The following LOXL4 variants were observed in gnomAD, a reference collection of about 807,000 sequenced individuals.
The protein encoded by LOXL4 is lysyl oxidase like 4.
In LOXL4, 72 loss-of-function variants were observed where a neutral mutation model predicts 89.1. The ratio of observed to expected loss-of-function variants is 0.81; its 90% CI spans 0.67 to 0.98. The LOEUF is 0.98. Ranked by LOEUF, LOXL4 falls within the 50% of genes least tolerant of loss-of-function variation. The pLI, the probability that LOXL4 is intolerant of heterozygous loss-of-function variation, is 0.00. For synonymous variants in LOXL4, 355 were observed against 392.1 expected (o/e 0.91, Z 1.12); for missense variants, 984 against 1,017.5 (o/e 0.97, Z 0.45).
At chr10:98,260,807 G>T in intron 4 of LOXL4, 115 bp downstream of exon 4, 1 of 1,124,822 alleles carries the variant, frequency 8.9e-7, no homozygotes, top group Non-Finnish European at 1.3e-6. Context: ...CCTCACATGA[G>T]TCCACACTCA....
rs548557284 is a variant in LOXL4, at chr10:98,261,346, C to T, written c.457-219G>A. On this transcript the variant is annotated intron_variant, in intron 3 of 14. Transcript: ENST00000260702. ...GGCAGAACCTCAGCTTGTCTAAGCC[C>T]TTTCCCTCAGTTCCTCGAATTTGTC... Among the ~76,000 whole-genome samples the T allele has an allele frequency of 5.9e-4, 90 of 152,340 alleles. 2 individuals are homozygous for T. The highest frequency in any genetic ancestry group is 2.1e-3 in the East Asian group (11 of 5,182).
rs1319214431 is a variant in LOXL4 at position 98,262,050 on chromosome 10, A to G, written c.441T>C (p.Asn147=). ...GCCTCCTCACCTGGGGCCCAAGGGC[A>G]TTGGAGACAGTTTCAGAAAGGTAGC... ...HRGYLSETVS[N]ALGPQGRRLE... is the part of the protein sequence containing the mutation. The change falls in exon 3 of 15, where the codon AAT becomes AAC. Residue 147 remains asparagine, a synonymous_variant. Transcript: ENST00000260702. The G allele has an allele frequency of 1.2e-6, 2 of 1,610,554 alleles. No individual in the cohort carries two copies. Among genetic ancestry groups the G allele is most frequent in the Non-Finnish European group, 1.7e-6 (2 of 1,178,536 alleles).
Position 98,248,093 on chromosome 10 carries a change from G to C in LOXL4, c.*828C>G, listed in dbSNP as rs998985067. The C allele has an allele frequency of 1.3e-5, 2 of 152,272 alleles. No individual in the cohort carries two copies. Among genetic ancestry groups the C allele is most frequent in the Admixed American group, 1.3e-4 (2 of 15,292 alleles). 9.4% of individuals were successfully genotyped at this position (152,272 alleles called of 1,614,324 possible). A position where few individuals can be genotyped will look rare whatever the true frequency, so the allele number is the denominator to read the frequency against. On this transcript the variant is annotated 3_prime_UTR_variant, in exon 15 of 15. Coordinates refer to ENST00000260702, the MANE Select transcript of LOXL4 (RefSeq NM_032211.7). Reference sequence around the variant, plus strand: ...TGAGATGCGTGGTGATCCTGAGAGAGAGCAGACTGCCTGCCAGGTAAATGG... The same window carrying C: ...TGAGATGCGTGGTGATCCTGAGAGACAGCAGACTGCCTGCCAGGTAAATGG...
chr10:98,255,798 C>A, intron 9 of LOXL4, 59 bp from the exon 10 acceptor site: 1 of 1,562,516 alleles, frequency 6.4e-7, no homozygotes. Flanking sequence ...TCCTGACTCC[C>A]ATCTGAGGTG....
rs890038354 is a variant in LOXL4, at chr10:98,258,019, G to C, written c.1067C>G (p.Ser356Cys). 1 of 1,613,920 alleles carries C rather than the reference G, an allele frequency of 6.2e-7. No homozygotes were observed. Among genetic ancestry groups the C allele is most frequent in the African/African-American group, 1.3e-5 (1 of 75,064 alleles). Residue 356 changes from serine to cysteine, a missense_variant, in exon 7 of 15, where the codon TCT (serine) becomes TGT (cysteine). By Grantham distance (112) the Ser-to-Cys change is moderately radical (BLOSUM62 -1). Coordinates refer to ENST00000260702, the MANE Select transcript of LOXL4 (RefSeq NM_032211.7). Reference protein sequence around the residue: ...SVVCRQLGFGSAREALFGARL... With the variant: ...SVVCRQLGFGCAREALFGARL... The stretch of plus-strand genomic sequence containing the variant: ...GGCCCCAAAGAGGGCCTCCCGAGCA[G>C]AGCCAAAGCCCAGCTGACGACACAC...
rs752379337 is a variant in LOXL4 at position 98,259,177 on chromosome 10, G to A, written c.753C>T (p.Cys251=). 5.0e-6 allele frequency: 8 copies of A among 1,612,294 alleles called. No homozygotes were observed. The highest frequency in any genetic ancestry group is 1.1e-5 in the South Asian group (1 of 90,946). The part of the protein sequence containing the change: ...KNSFWIHQVT[C]LGTEPHMANC... ...TGGCCATGTGGGGCTCTGTCCCCAG[G>A]CAGGTGACCTGGTGGATCCAGAAGG... Residue 251 remains cysteine, a synonymous_variant, in exon 6 of 15, where the codon TGC becomes TGT. Transcript: ENST00000260702.
chr10:98,263,691 T>C (rs958508463), intron 1 of LOXL4, among the ~76,000 whole-genome samples: 3 of 151,906 alleles, frequency 2.0e-5, no homozygotes, highest in Non-Finnish European at 4.4e-5. Flanking sequence ...TCTTCAACTC[T>C]CTAGGTCCTG....
At chr10:98,258,945 C>G in intron 6 of LOXL4, 64 bp downstream of exon 6, 2 of 1,358,274 alleles carry the variant, frequency 1.5e-6, no homozygotes, top group Admixed American at 2.5e-5. Flanking sequence ...CCGCACCCCC[C>G]ACCAGGCAGT....
At chr10:98,255,337 G>T (rs116260041) in intron 10 of LOXL4, among the ~76,000 whole-genome samples, 3 of 152,174 alleles carry the variant, frequency 2.0e-5, no homozygotes, top group Admixed American at 6.5e-5. Context: ...GAAAACCGCC[G>T]TTCCGTGTCC....
At position 98,253,448 on chromosome 10, in the gene LOXL4, C is replaced by T. The variant is rs539080132; in HGVS notation, c.1835+105G>A. Reference sequence around the variant, plus strand: ...CAAGGCCAGCAAGGAGAGCGCACACCCCTCCCAGGAAAACTTGCCTGTGGC... The same window carrying T: ...CAAGGCCAGCAAGGAGAGCGCACACTCCTCCCAGGAAAACTTGCCTGTGGC... On this transcript the variant is annotated intron_variant, in intron 11 of 14. Coordinates refer to ENST00000260702, the MANE Select transcript of LOXL4 (RefSeq NM_032211.7). 8 of 1,519,988 alleles carry T rather than the reference C, an allele frequency of 5.3e-6. No individual in the cohort carries two copies. In the South Asian group the frequency reaches 7.2e-5, roughly 14 times the overall value. The allele number at this position is 1,519,988 out of a possible 1,614,324, so 94.2% of individuals were successfully genotyped here. A position where few individuals can be genotyped will look rare whatever the true frequency, so the allele number is the denominator to read the frequency against.
At chr10:98,250,883 G>A (rs1462711648) in intron 14 of LOXL4, among the ~76,000 whole-genome samples, 182 bp downstream of exon 14, 7 of 152,216 alleles carry the variant, frequency 4.6e-5, no homozygotes, top group Admixed American at 4.6e-4. Flanking sequence ...CCGATGGTCT[G>A]ACCAGTTCTA....
At chr10:98,254,006 G>A (rs1858286411) in intron 10 of LOXL4, among the ~76,000 whole-genome samples, 1 of 152,156 alleles carries the variant, frequency 6.6e-6, no homozygotes, top group East Asian at 1.9e-4. Flanking sequence ...ACAGTGTCAT[G>A]GTTAGGCTTG....
rs1157141507 is a variant in LOXL4 at position 98,265,538 on chromosome 10, G to A, written c.-32-2487C>T. Among the ~76,000 whole-genome samples the A allele has an allele frequency of 1.5e-5, 2 of 129,558 alleles. 1 individual carries two copies. Among genetic ancestry groups the A allele is most frequent in the African/African-American group, 5.7e-5 (2 of 35,088 alleles). The allele number at this position is 129,558 out of a possible 152,430, so 85.0% of individuals were successfully genotyped here. A position where few individuals can be genotyped will look rare whatever the true frequency, so the allele number is the denominator to read the frequency against. On this transcript the variant is annotated intron_variant, in intron 1 of 14. Coordinates refer to ENST00000260702, the MANE Select transcript of LOXL4 (RefSeq NM_032211.7). ...CTTGCCTTAGCCTCCCAAGTAGCTG[G>A]GATTACAGGCATGCGCCAACATGCC...
chr10:98,258,243 A>G (rs931375965), intron 6 of LOXL4, 79 bp from the exon 7 acceptor site: 16 of 1,386,102 alleles, frequency 1.2e-5, no homozygotes, highest in African/African-American at 1.2e-4. Flanking sequence ...GGGATCCCCA[A>G]CGGGGCTCCT....
chr10:98,268,066 CAGA>C (rs944591914), intron 1 of LOXL4, 63 bp downstream of exon 1: 2 of 152,950 alleles, frequency 1.3e-5, no homozygotes, highest in African/African-American at 4.8e-5. Context: ...CACAGAGAGA[CAGA>C]AGGACAGATG....
At chr10:98,257,190 T>C (rs996011159) in intron 8 of LOXL4, among the ~76,000 whole-genome samples, 3 of 152,232 alleles carry the variant, frequency 2.0e-5, no homozygotes, top group Admixed American at 1.3e-4. Context: ...GCTCTGGCAC[T>C]TGCCCTCCAC....
rs982615911 is a variant in LOXL4 at position 98,255,583 on chromosome 10, T to C, written c.1585A>G (p.Met529Val). 1 of 1,607,848 alleles carries C rather than the reference T, an allele frequency of 6.2e-7. No homozygotes were observed. The highest frequency in any genetic ancestry group is 8.5e-7 in the Non-Finnish European group (1 of 1,175,060). The change falls in exon 10 of 15, where the codon ATG becomes GTG. Residue 529 changes from methionine to valine, a missense_variant. Physicochemically the swap from Met to Val is conservative, Grantham distance 21. Transcript: ENST00000260702. ...TGAGCCCTCCGTCACTCACTGTCCATGCAGGAGACTCCAGCCAGGAAGCGC... is the reference window on the plus strand; with the variant it reads ...TGAGCCCTCCGTCACTCACTGTCCACGCAGGAGACTCCAGCCAGGAAGCGC... ...GGRFLAGVSCMDSAPDLVMNA... is the reference protein window; with the variant it reads ...GGRFLAGVSCVDSAPDLVMNA...
Position 98,257,641 on chromosome 10 carries a change from C to A in LOXL4, c.1260+9G>T. On this transcript the variant is annotated intron_variant, in intron 8 of 14. Transcript: ENST00000260702. ...CCCAGCCTGAGGCCATGCTCAGACC[C>A]AAACTCACCTGATTCTGAAAGCCCA... 1 of 1,611,918 alleles carries A rather than the reference C, an allele frequency of 6.2e-7. No homozygotes were observed. Among genetic ancestry groups the A allele is most frequent in the Non-Finnish European group, 8.5e-7 (1 of 1,179,046 alleles).
chr10:98,256,650 G>A, intron 9 of LOXL4, 130 bp downstream of exon 9: 1 of 1,014,980 alleles, frequency 9.9e-7, no homozygotes. Flanking sequence ...TCAGCATCAT[G>A]TCGGCTCATA....
Sources: allele counts gnomAD v4.1 joint callset (sites outside exome capture counted in the v4.1 genomes callset), GRCh38; gene constraint gnomAD v4.1.1; transcripts MANE v1.5; gene names NCBI Gene and HGNC (gene_info 2026-07-23, HGNC 2026-07-21).